The following ASB5 variants were observed in gnomAD, a reference collection of about 807,000 sequenced individuals.
ASB5 encodes the protein ankyrin repeat and SOCS box protein 5.
In ASB5, 45 loss-of-function variants were observed where a neutral mutation model predicts 42.1. That is an observed-to-expected ratio of 1.07 (90% CI 0.84 to 1.37). The LOEUF is 1.37. Among genes scored for constraint, ASB5 ranks in the 40% most tolerant of loss-of-function variants. The probability of loss-of-function intolerance (pLI) is 0.00; values close to 1 mark genes in which losing one functional copy is unlikely to be tolerated. For synonymous variants in ASB5, 147 were observed against 150.6 expected (o/e 0.98, Z 0.18); for missense variants, 402 against 399.8 (o/e 1.01, Z -0.05).
chr4:176,218,305 A>AAT (rs1158743948), intron 5 of ASB5, among the ~76,000 whole-genome samples: 1 of 87,568 alleles, frequency 1.1e-5, no homozygotes, highest in South Asian at 3.0e-4. Flanking sequence ...ATGATATATA[A>AAT]ATATATATAT....
intron 2 of ASB5, among the ~76,000 whole-genome samples, chr4:176,222,908 G>A (rs1042523566): frequency 1.3e-5 from 2 of 151,300 alleles, no homozygotes; most frequent in Non-Finnish European, 2.9e-5. Flanking sequence ...CTCCCGAGTA[G>A]CTGGGACTAC....
intron 1 of ASB5, chr4:176,237,303 T>G: frequency 1.0e-6 from 1 of 985,886 alleles, no homozygotes; most frequent in Non-Finnish European, 1.2e-6. Flanking sequence ...CCTTGACTGG[T>G]CAGAATACCC....
At chr4:176,272,275 A>G (rs776679248), upstream of ASB5, among the ~76,000 whole-genome samples, 3 of 152,202 alleles carry the variant, frequency 2.0e-5, no homozygotes, top group Non-Finnish European at 4.4e-5. Context: ...AGGTTGGTGT[A>G]AAAGTAATTG....
intron 1 of ASB5, among the ~76,000 whole-genome samples, chr4:176,229,676 G>GA (rs11361143): frequency 2.5e-4 from 38 of 150,148 alleles, no homozygotes; most frequent in Admixed American, 8.0e-4. Flanking sequence ...ATGGGGACAG[G>GA]AAAAAAAAAA....
chr4:176,262,892 T>C (rs1754289778), intron 1 of ASB5, among the ~76,000 whole-genome samples: 1 of 152,200 alleles, frequency 6.6e-6, no homozygotes, highest in Non-Finnish European at 1.5e-5. Context: ...CCTATGTCAA[T>C]TTTTTAACTT....
exon 1 of ASB5, chr4:176,277,269 T>A (rs533001103): frequency 2.6e-5 from 4 of 152,176 alleles, no homozygotes; most frequent in African/African-American, 9.6e-5. Flanking sequence ...GCGTCGCAAG[T>A]CAAGATGTGG....
chr4:176,250,650 A>G (rs1754014636), intron 1 of ASB5, among the ~76,000 whole-genome samples: 1 of 152,246 alleles, frequency 6.6e-6, no homozygotes, highest in Non-Finnish European at 1.5e-5. Context: ...TAGGGCTATC[A>G]GCAAAACAAG....
intron 1 of ASB5, among the ~76,000 whole-genome samples, chr4:176,268,230 C>T (rs987327587): frequency 1.3e-4 from 20 of 152,248 alleles, no homozygotes; most frequent in African/African-American, 3.8e-4. Context: ...TATTGTTTCT[C>T]ATTTGGTTTC....
intron 1 of ASB5, chr4:176,275,931 G>T (rs781552086): frequency 3.9e-5 from 6 of 152,202 alleles, no homozygotes; most frequent in Non-Finnish European, 7.3e-5. Context: ...CAGAAAATGA[G>T]CTGGGCTTCA....
chr4:176,273,768 C>G (rs1171556915), upstream of ASB5, among the ~76,000 whole-genome samples: 13 of 152,202 alleles, frequency 8.5e-5, no homozygotes. Flanking sequence ...TATATGTTGT[C>G]CAGAAAAACT....
chr4:176,268,659 A>G (rs4690678), intron 1 of ASB5, among the ~76,000 whole-genome samples: 100,778 of 151,898 alleles, frequency 0.66, 33,661 homozygotes, highest in Middle Eastern at 0.74. Flanking sequence ...TCTATTACAT[A>G]TATATATTCC....
chr4:176,224,189 G>A (rs1753304142), intron 2 of ASB5, among the ~76,000 whole-genome samples: 3 of 149,110 alleles, frequency 2.0e-5, no homozygotes, highest in Admixed American at 2.0e-4. Flanking sequence ...GGAAACAGTA[G>A]CGCATGACTT....
intron 1 of ASB5, among the ~76,000 whole-genome samples, chr4:176,240,649 G>A (rs1753791173): frequency 1.3e-5 from 2 of 152,154 alleles, no homozygotes; most frequent in South Asian, 2.1e-4. Context: ...AAGAAATTCT[G>A]AAAAACAAGA....
At chr4:176,263,296 T>C (rs1160553130) in intron 1 of ASB5, among the ~76,000 whole-genome samples, 1 of 152,156 alleles carries the variant, frequency 6.6e-6, no homozygotes, top group African/African-American at 2.4e-5. Flanking sequence ...CAGCCTCAGC[T>C]TTTCCTTTAT....
rs559913572 is a variant in ASB5 at position 176,222,170 on chromosome 4, G to T, written c.384+143C>A. 40 of 718,938 alleles carry T rather than the reference G, an allele frequency of 5.6e-5. No homozygotes were observed. The African/African-American group carries it at 6.4e-4, about 12-fold the overall frequency. 44.5% of individuals were successfully genotyped at this position (718,938 alleles called of 1,614,324 possible). Reference sequence around the variant, plus strand: ...AATCCTTTTTAGAGTGCAATAAGAAGACTAAGGAATTCAAGAGCTTTATTT... The same window carrying T: ...AATCCTTTTTAGAGTGCAATAAGAATACTAAGGAATTCAAGAGCTTTATTT... On this transcript the variant is annotated intron_variant, in intron 3 of 6. Coordinates refer to ENST00000296525, the MANE Select transcript of ASB5 (RefSeq NM_080874.4).
intron 1 of ASB5, chr4:176,241,388 T>C (rs1753808041): frequency 1.6e-6 from 2 of 1,212,434 alleles, no homozygotes; most frequent in Non-Finnish European, 1.1e-6. Flanking sequence ...CCAAAATTAC[T>C]ATTAAGGGCT....
rs763151479 is a variant in ASB5 at position 176,221,586 on chromosome 4, C to T, written c.399G>A (p.Thr133=). 6.8e-6 allele frequency: 11 copies of T among 1,612,132 alleles called. No homozygotes were observed. Among genetic ancestry groups the T allele is most frequent in the South Asian group, 6.6e-5 (6 of 90,858 alleles). The change falls in exon 4 of 7, where the codon ACG becomes ACA. Residue 133 remains threonine, a synonymous_variant. Coordinates refer to ENST00000296525, the MANE Select transcript of ASB5 (RefSeq NM_080874.4). ...LEAGANVNAI[T]IDGVTPLFNA... ...TGAATAACGGAGTCACGCCATCTATCGTGATTGCATTTACCTAAACCAAAC... is the reference window on the plus strand; with the variant it reads ...TGAATAACGGAGTCACGCCATCTATTGTGATTGCATTTACCTAAACCAAAC...
At chr4:176,276,770 C>A (rs1467453400) in intron 1 of ASB5, among the ~76,000 whole-genome samples, 2 of 152,158 alleles carry the variant, frequency 1.3e-5, no homozygotes, top group Non-Finnish European at 2.9e-5. Flanking sequence ...GCAAATACAT[C>A]TTGTTGTATA....
intron 1 of ASB5, among the ~76,000 whole-genome samples, chr4:176,258,411 T>C (rs1294077925): frequency 6.6e-6 from 1 of 152,202 alleles, no homozygotes; most frequent in African/African-American, 2.4e-5. Context: ...GGTCTTTTAT[T>C]CATTCTACAA....
Sources: gnomAD v4.1 joint callset for allele counts (sites outside exome capture counted in the v4.1 genomes callset) on GRCh38, gnomAD v4.1.1 for gene constraint, MANE v1.5 for transcripts, NCBI Gene and HGNC (gene_info 2026-07-23, HGNC 2026-07-21) for gene names.